Variants in STMN2 observed in about 807,000 individuals in gnomAD.
The protein encoded by STMN2 is stathmin 2.
In STMN2, 2 loss-of-function variants were observed where a neutral mutation model predicts 24.1. The observed-to-expected ratio is 0.08, with a 90% CI of 0.03 to 0.26. STMN2 has a LOEUF of 0.26. STMN2 is among the 10% of genes least tolerant of loss of function. STMN2 has a pLI of 1.00. For synonymous variants in STMN2, 83 were observed against 77.5 expected, an observed-to-expected ratio of 1.07 and a Z score of -0.37; for missense variants, 114 against 213.6, an observed-to-expected ratio of 0.53 and a Z score of 2.91.
intron 3 of STMN2, among the ~76,000 whole-genome samples, chr8:79,645,276 T>C (rs566863733): frequency 2.0e-5 from 3 of 152,312 alleles, no homozygotes; most frequent in South Asian, 4.1e-4. Context: ...CTTCACCCAA[T>C]ATATTCAAAA....
intron 3 of STMN2, among the ~76,000 whole-genome samples, chr8:79,648,991 C>G (rs1810278291): frequency 1.3e-5 from 2 of 152,246 alleles, no homozygotes; most frequent in African/African-American, 2.4e-5. Flanking sequence ...TTAGCATGCT[C>G]TCATTACTGG....
intron 1 of STMN2, among the ~76,000 whole-genome samples, chr8:79,625,525 T>C (rs1426543621): frequency 6.6e-6 from 1 of 152,194 alleles, no homozygotes; most frequent in African/African-American, 2.4e-5. Flanking sequence ...TTCTTAGACA[T>C]AGTAAGAGCT....
Position 79,642,248 on chromosome 8 carries a change from A to G in STMN2, c.288+698A>G, listed in dbSNP as rs566401202. Reference sequence around the variant, plus strand: ...ATATTAAAGAGCTTTCCTTTTGCCAAATCTTTACTTTTCCATAATCACATG... The same window carrying G: ...ATATTAAAGAGCTTTCCTTTTGCCAGATCTTTACTTTTCCATAATCACATG... On this transcript the variant is annotated intron_variant, in intron 3 of 4. Coordinates refer to ENST00000220876, the MANE Select transcript of STMN2 (RefSeq NM_007029.4). Among the ~76,000 whole-genome samples, 6 of 152,238 alleles carry G rather than the reference A, an allele frequency of 3.9e-5. No individual in the cohort carries two copies. In the South Asian group the frequency reaches 8.3e-4, roughly 21 times the overall value.
intron 2 of STMN2, 129 bp from the exon 3 acceptor site, chr8:79,641,249 C>T: frequency 1.1e-6 from 1 of 930,034 alleles, no homozygotes; most frequent in Non-Finnish European, 1.6e-6. Flanking sequence ...AGCAAATGCT[C>T]ATAAACAGCA....
intron 1 of STMN2, 115 bp downstream of exon 1, chr8:79,611,329 A>G (rs532449186): frequency 2.6e-5 from 36 of 1,403,156 alleles, no homozygotes; most frequent in Admixed American, 7.5e-5. Context: ...TGTTAATGGT[A>G]ACACAGGACC....
At chr8:79,628,325 G>A (rs11775354) in intron 1 of STMN2, among the ~76,000 whole-genome samples, 106,739 of 151,772 alleles carry the variant, frequency 0.7, 38,247 homozygotes, top group African/African-American at 0.83. Context: ...CACCATGCCC[G>A]GCTAATTTTT....
At chr8:79,635,904 T>C (rs1406836451) in intron 1 of STMN2, among the ~76,000 whole-genome samples, 2 of 151,238 alleles carry the variant, frequency 1.3e-5, no homozygotes, top group African/African-American at 2.4e-5. Flanking sequence ...AAATAAAACT[T>C]GAAATTAAAA....
intron 1 of STMN2, 39 bp from the exon 2 acceptor site, chr8:79,636,762 GA>G (rs776248994): frequency 3.8e-6 from 6 of 1,585,112 alleles, no homozygotes; most frequent in Non-Finnish European, 5.2e-6. Flanking sequence ...GAGAAATTCA[GA>G]AAAAATGAAA....
At chr8:79,613,449 T>C in intron 1 of STMN2, 1 of 985,456 alleles carries the variant, frequency 1.0e-6, no homozygotes, top group Non-Finnish European at 1.2e-6. Context: ...TGTCCTGAGC[T>C]ACCCCCGCTT....
At chr8:79,645,027 T>C (rs1810189753) in intron 3 of STMN2, among the ~76,000 whole-genome samples, 1 of 151,954 alleles carries the variant, frequency 6.6e-6, no homozygotes, top group Admixed American at 6.6e-5. Flanking sequence ...TAGTGGCGAG[T>C]GCCTGTAATC....
chr8:79,635,508 G>A (rs990104854), intron 1 of STMN2, among the ~76,000 whole-genome samples: 6 of 152,164 alleles, frequency 3.9e-5, no homozygotes, highest in Non-Finnish European at 5.9e-5. Context: ...ATCAAACTAG[G>A]TGTCCATCTA....
chr8:79,651,421 A>C (rs2130379301), intron 3 of STMN2, among the ~76,000 whole-genome samples: 1 of 152,352 alleles, frequency 6.6e-6, no homozygotes, highest in South Asian at 2.1e-4. Context: ...TGGAGTAGGC[A>C]TTGGTTATAA....
intron 3 of STMN2, 78 bp downstream of exon 3, chr8:79,641,628 G>GCACACACACACACACACACACA: frequency 9.3e-6 from 4 of 431,798 alleles, no homozygotes; most frequent in South Asian, 5.9e-5. Context: ...ACACATGCAC[G>GCACACACACACACACACACACA]CACACACACA....
rs1809210967 is a variant in STMN2, at chr8:79,611,188, T to A, written c.-8T>A. On this transcript the variant is annotated 5_prime_UTR_variant, in exon 1 of 5. Transcript: ENST00000220876. The stretch of plus-strand genomic sequence containing the variant: ...TTCGCCACTGCTCAGCGTCTGCACA[T>A]CCCTACAATGGCTAAAACAGCAATG... 3 of 1,614,076 alleles carry A rather than the reference T, an allele frequency of 1.9e-6. No homozygotes were observed. Among genetic ancestry groups the A allele is most frequent in the Non-Finnish European group, 2.5e-6 (3 of 1,180,024 alleles).
intron 3 of STMN2, among the ~76,000 whole-genome samples, chr8:79,651,703 G>T (rs368944473): frequency 6.6e-6 from 1 of 152,192 alleles, no homozygotes; most frequent in Admixed American, 6.5e-5. Flanking sequence ...TGAAACATTA[G>T]GCAGTTGCAG....
chr8:79,627,501 G>A (rs1290851598), intron 1 of STMN2, among the ~76,000 whole-genome samples: 1 of 152,054 alleles, frequency 6.6e-6, no homozygotes, highest in Non-Finnish European at 1.5e-5. Flanking sequence ...AGTTCCAGAT[G>A]GCATCCAAAA....
chr8:79,641,629 C>A, intron 3 of STMN2, 79 bp downstream of exon 3: 1 of 119,436 alleles, frequency 8.4e-6, no homozygotes, highest in East Asian at 4.7e-4. Context: ...CACATGCACG[C>A]ACACACACAC....
chr8:79,658,280 T>A (rs1806419930), intron 4 of STMN2, among the ~76,000 whole-genome samples: 1 of 151,702 alleles, frequency 6.6e-6, no homozygotes, highest in South Asian at 2.1e-4. Context: ...CACTCCAACC[T>A]GGGAAACAGA....
chr8:79,630,883 T>C (rs1010768167), intron 1 of STMN2, among the ~76,000 whole-genome samples: 3 of 142,402 alleles, frequency 2.1e-5, no homozygotes, highest in South Asian at 2.2e-4. Context: ...CCTGCTAGTA[T>C]TTAGGAGCTT....
Sources: gnomAD v4.1 joint callset for allele counts (sites outside exome capture counted in the v4.1 genomes callset) on GRCh38, gnomAD v4.1.1 for gene constraint, MANE v1.5 for transcripts, NCBI Gene and HGNC (gene_info 2026-07-23, HGNC 2026-07-21) for gene names.